The following PRKCB variants were observed in gnomAD, a reference collection of about 807,000 sequenced individuals.
The protein encoded by PRKCB is protein kinase C beta.
PRKCB carries 13 observed loss-of-function variants against 81.5 expected under a neutral mutation model. The ratio of observed to expected loss-of-function variants is 0.16; its 90% confidence interval spans 0.10 to 0.25. The LOEUF (loss-of-function observed/expected upper bound fraction) is 0.25, where lower values mean the gene tolerates loss of function less well. PRKCB is among the 10% of genes least tolerant of loss of function. The pLI, the probability that PRKCB is intolerant of heterozygous loss-of-function variation, is 1.00. For synonymous variants in PRKCB, 335 were observed against 321.4 expected (o/e 1.04, Z -0.45); for missense variants, 509 against 875.7 (o/e 0.58, Z 5.29).
intron 2 of PRKCB, among the ~76,000 whole-genome samples, chr16:23,905,705 G>T (rs534800273): frequency 6.6e-6 from 1 of 152,234 alleles, no homozygotes; most frequent in South Asian, 2.1e-4. Context: ...ACTTACTCCT[G>T]GTAGAATTCC....
At chr16:23,890,665 C>A (rs773426194) in intron 2 of PRKCB, among the ~76,000 whole-genome samples, 25 of 152,120 alleles carry the variant, frequency 1.6e-4, no homozygotes, top group Non-Finnish European at 1.9e-4. Context: ...TTTTGTGATA[C>A]CCTCATTGAC....
intron 3 of PRKCB, among the ~76,000 whole-genome samples, chr16:24,022,615 C>G (rs938345891): frequency 2.0e-5 from 3 of 152,130 alleles, no homozygotes; most frequent in African/African-American, 7.2e-5. Context: ...CCTCAGCCTC[C>G]TGAGTAGCTG....
At chr16:23,957,291 T>G (rs1463189169) in intron 2 of PRKCB, among the ~76,000 whole-genome samples, 2 of 152,220 alleles carry the variant, frequency 1.3e-5, no homozygotes, top group Non-Finnish European at 2.9e-5. Context: ...GATTCTGCAA[T>G]GTTTATTCTA....
At chr16:24,173,172 G>A (rs1473561787) in intron 11 of PRKCB, among the ~76,000 whole-genome samples, 1 of 152,130 alleles carries the variant, frequency 6.6e-6, no homozygotes, top group Non-Finnish European at 1.5e-5. Context: ...TGGTTCCTGT[G>A]ATGGGGAGAC....
chr16:23,924,081 A>AG, intron 2 of PRKCB, among the ~76,000 whole-genome samples: 1 of 152,038 alleles, frequency 6.6e-6, no homozygotes, highest in East Asian at 1.9e-4. Flanking sequence ...CCATGTGTCT[A>AG]GGGAGAGAAC....
intron 16 of PRKCB, among the ~76,000 whole-genome samples, chr16:24,201,221 GTA>G (rs1352246538): frequency 6.6e-6 from 1 of 152,056 alleles, no homozygotes; most frequent in Non-Finnish European, 1.5e-5. Flanking sequence ...GCTTCTCTCT[GTA>G]TCAACAAAAC....
intron 16 of PRKCB, among the ~76,000 whole-genome samples, chr16:24,201,163 C>T (rs1305775461): frequency 6.6e-6 from 1 of 152,176 alleles, no homozygotes; most frequent in Non-Finnish European, 1.5e-5. Context: ...CTCTGGACTC[C>T]AGCCTCTTGA....
At chr16:23,892,283 T>A (rs533771195) in intron 2 of PRKCB, among the ~76,000 whole-genome samples, 17 of 152,198 alleles carry the variant, frequency 1.1e-4, no homozygotes, top group Non-Finnish European at 2.4e-4. Flanking sequence ...AGCACCCCCT[T>A]TGCTCTTCGT....
At chr16:23,850,328 A>G (rs1962451450) in intron 2 of PRKCB, among the ~76,000 whole-genome samples, 1 of 151,894 alleles carries the variant, frequency 6.6e-6, no homozygotes, top group African/African-American at 2.4e-5. Context: ...TGCTTTAAAT[A>G]TATGCCCAGA....
intron 5 of PRKCB, among the ~76,000 whole-genome samples, chr16:24,073,540 GCCCA>G (rs1966141339): frequency 6.6e-6 from 1 of 152,006 alleles, no homozygotes; most frequent in South Asian, 2.1e-4. Flanking sequence ...TTGCTATGTT[GCCCA>G]GGCTAATCTC....
At chr16:24,157,532 GC>G (rs1004774759) in intron 10 of PRKCB, among the ~76,000 whole-genome samples, 7 of 151,498 alleles carry the variant, frequency 4.6e-5, no homozygotes, top group Admixed American at 4.6e-4. Flanking sequence ...GTTTCCTGAG[GC>G]CTCTCTAGCC....
At chr16:23,909,750 T>C (rs1466632741) in intron 2 of PRKCB, among the ~76,000 whole-genome samples, 5 of 152,312 alleles carry the variant, frequency 3.3e-5, no homozygotes. Context: ...TATTGACCTC[T>C]AGTTCCTTCC....
At chr16:24,146,619 A>G (rs921562306) in intron 9 of PRKCB, among the ~76,000 whole-genome samples, 4 of 152,204 alleles carry the variant, frequency 2.6e-5, no homozygotes, top group African/African-American at 9.7e-5. Context: ...ACGCTTTGCC[A>G]TTGGGATTCG....
chr16:23,862,700 C>T (rs1384843749), intron 2 of PRKCB, among the ~76,000 whole-genome samples: 1 of 152,170 alleles, frequency 6.6e-6, no homozygotes, highest in Admixed American at 6.5e-5. Flanking sequence ...CTGTCTAACA[C>T]ATGGGAAAAC....
At chr16:23,879,569 C>T (rs1962773) in intron 2 of PRKCB, among the ~76,000 whole-genome samples, 114,458 of 145,150 alleles carry the variant, frequency 0.79, 45,103 homozygotes, top group East Asian at 0.98. Context: ...TCTCAGCTCA[C>T]TGCAACCTCC....
chr16:24,013,508 C>T (rs535271538), intron 3 of PRKCB, among the ~76,000 whole-genome samples: 3 of 152,266 alleles, frequency 2.0e-5, no homozygotes, highest in African/African-American at 7.2e-5. Context: ...TTTACATGGT[C>T]GTTGAGGATC....
At chr16:23,871,874 T>C (rs1384942246) in intron 2 of PRKCB, among the ~76,000 whole-genome samples, 1 of 99,708 alleles carries the variant, frequency 1.0e-5, no homozygotes, top group South Asian at 2.6e-4. Context: ...TTTTTTTTTT[T>C]TTTTTTAAAT....
chr16:23,963,252 C>T (rs970732564), intron 2 of PRKCB: 6 of 152,202 alleles, frequency 3.9e-5, no homozygotes, highest in Non-Finnish European at 7.3e-5. Flanking sequence ...GAGACAATGA[C>T]GGTTCCTCCC....
chr16:24,119,289 G>A (rs1258405534), intron 8 of PRKCB, among the ~76,000 whole-genome samples: 4 of 152,054 alleles, frequency 2.6e-5, no homozygotes, highest in Non-Finnish European at 5.9e-5. Context: ...AGTGCTGAGG[G>A]ATGAGGCTGT....
Sources: allele counts gnomAD v4.1 joint callset (sites outside exome capture counted in the v4.1 genomes callset), GRCh38; gene constraint gnomAD v4.1.1; transcripts MANE v1.5; gene names NCBI Gene and HGNC (gene_info 2026-07-23, HGNC 2026-07-21).